The following HACD2 variants were observed in gnomAD, a reference collection of about 807,000 sequenced individuals.
HACD2 encodes the protein 3-hydroxyacyl-CoA dehydratase 2, also known as very-long-chain (3R)-3-hydroxyacyl-CoA dehydratase 2.
Under a neutral mutation model 31.0 loss-of-function variants are expected in HACD2, and 15 were observed. The observed-to-expected ratio is 0.48, with a 90% CI of 0.32 to 0.75. The LOEUF (loss-of-function observed/expected upper bound fraction) is 0.75, where lower values mean the gene tolerates loss of function less well. Ranked by LOEUF, HACD2 falls within the 30% of genes least tolerant of loss-of-function variation. The probability of loss-of-function intolerance (pLI) is 0.03; values close to 1 mark genes in which losing one functional copy is unlikely to be tolerated. For synonymous variants in HACD2, 115 were observed against 122.2 expected, an observed-to-expected ratio of 0.94 and a Z score of 0.39; for missense variants, 283 against 313.0, an observed-to-expected ratio of 0.90 and a Z score of 0.72.
rs1229330643 is a variant in HACD2, at chr3:123,493,758, C to A, written c.*1130G>T. On this transcript the variant is annotated 3_prime_UTR_variant, in exon 7 of 7. Transcript: ENST00000383657. Reference sequence around the variant, plus strand: ...ACTATTTCTTGGCTGCTCCAACATGCGGAGATGACACTGCTTTTAGCTCAT... The same window carrying A: ...ACTATTTCTTGGCTGCTCCAACATGAGGAGATGACACTGCTTTTAGCTCAT... 1 of 152,114 alleles carries A rather than the reference C, an allele frequency of 6.6e-6. No individual in the cohort carries two copies. The highest frequency in any genetic ancestry group is 1.5e-5 in the Non-Finnish European group (1 of 68,026). The allele number at this position is 152,114 out of a possible 1,614,324, so 9.4% of individuals were successfully genotyped here.
chr3:123,553,827 T>C (rs2056644848), intron 3 of HACD2, among the ~76,000 whole-genome samples: 1 of 151,900 alleles, frequency 6.6e-6, no homozygotes, highest in Admixed American at 6.6e-5. Flanking sequence ...GGCCCAAGAG[T>C]CTCATGTTTT....
chr3:123,515,068 C>A (rs115306950), intron 4 of HACD2, among the ~76,000 whole-genome samples: 311 of 152,288 alleles, frequency 2.0e-3, no homozygotes, highest in South Asian at 0.014. Context: ...TGAGCACTTA[C>A]TAAGCACCAG....
At chr3:123,564,931 C>G (rs2056774922) in intron 3 of HACD2, among the ~76,000 whole-genome samples, 1 of 152,120 alleles carries the variant, frequency 6.6e-6, no homozygotes, top group Non-Finnish European at 1.5e-5. Context: ...CCTCGAGGAG[C>G]TCAGAGTCTG....
chr3:123,565,688 G>A (rs2056782265), intron 3 of HACD2, among the ~76,000 whole-genome samples: 1 of 152,208 alleles, frequency 6.6e-6, no homozygotes, highest in Non-Finnish European at 1.5e-5. Context: ...TTTATACAGA[G>A]ACAGCTGAAG....
intron 2 of HACD2, among the ~76,000 whole-genome samples, chr3:123,569,537 T>C (rs1291371577): frequency 1.3e-5 from 2 of 152,090 alleles, no homozygotes; most frequent in African/African-American, 2.4e-5. Context: ...AATTTTTGTA[T>C]TTTTTGTATG....
Position 123,582,322 on chromosome 3 carries a change from C to G in HACD2, c.163G>C (p.Val55Leu). The change falls in exon 2 of 7, where the codon GTT becomes CTT. Residue 55 changes from valine (V) to leucine (L), a missense_variant. Physicochemically the swap from Val to Leu is conservative, Grantham distance 32 (BLOSUM62 1). Coordinates refer to ENST00000383657, the MANE Select transcript of HACD2 (RefSeq NM_198402.5). ...GCTCGGACCAGACCAACCGCTATAACCAGCCACCTAGTAAAAGAGAAAACA... is the reference window on the plus strand; with the variant it reads ...GCTCGGACCAGACCAACCGCTATAAGCAGCCACCTAGTAAAAGAGAAAACA... The part of the protein sequence containing the change: ...YNVVMTAGWL[V>L]IAVGLVRAYL... 1 of 1,574,438 alleles carries G rather than the reference C, an allele frequency of 6.4e-7. No individual in the cohort carries two copies. The highest frequency in any genetic ancestry group is 1.2e-5 in the South Asian group (1 of 84,000).
At chr3:123,549,041 TAG>T (rs1252647867) in intron 3 of HACD2, among the ~76,000 whole-genome samples, 4 of 151,136 alleles carry the variant, frequency 2.6e-5, no homozygotes, top group Admixed American at 6.6e-5. Context: ...TGCAGAAGGG[TAG>T]AACAACATAT....
intron 6 of HACD2, among the ~76,000 whole-genome samples, chr3:123,497,435 TTCCCCTC>T (rs2055847474): frequency 6.6e-6 from 1 of 152,324 alleles, no homozygotes; most frequent in East Asian, 1.9e-4. Flanking sequence ...TGGGGCTCTC[TTCCCCTC>T]TGGGGAGAGA....
At chr3:123,502,482 G>A (rs1406015923) in intron 5 of HACD2, 78 bp downstream of exon 5, 1 of 1,445,100 alleles carries the variant, frequency 6.9e-7, no homozygotes, top group Non-Finnish European at 9.4e-7. Flanking sequence ...GAAACTTTGA[G>A]GCAATATTTA....
intron 3 of HACD2, among the ~76,000 whole-genome samples, chr3:123,544,183 C>T (rs1285127993): frequency 6.6e-6 from 1 of 152,160 alleles, no homozygotes; most frequent in Non-Finnish European, 1.5e-5. Context: ...GTCGACAGCA[C>T]ATAAAAGACA....
At chr3:123,541,237 C>CTG (rs1274451518) in intron 3 of HACD2, among the ~76,000 whole-genome samples, 3 of 152,118 alleles carry the variant, frequency 2.0e-5, no homozygotes, top group African/African-American at 7.2e-5. Flanking sequence ...CACCACTGCA[C>CTG]TCCAGACTGG....
chr3:123,522,230 A>G (rs921867517), intron 4 of HACD2, among the ~76,000 whole-genome samples: 2 of 151,728 alleles, frequency 1.3e-5, no homozygotes, highest in Non-Finnish European at 2.9e-5. Flanking sequence ...AAGGCTGGAG[A>G]ATAGCTTGAT....
intron 6 of HACD2, chr3:123,499,671 T>C (rs1368220681): frequency 4.6e-5 from 21 of 453,722 alleles, no homozygotes; most frequent in Non-Finnish European, 6.6e-5. Context: ...CAGTATCTTT[T>C]CTAGATTAAA....
chr3:123,557,776 A>C (rs1038936200), intron 3 of HACD2, among the ~76,000 whole-genome samples: 8 of 152,246 alleles, frequency 5.3e-5, no homozygotes, highest in African/African-American at 1.9e-4. Context: ...AGCACTGACA[A>C]TACCAAACGC....
At chr3:123,577,476 CCGGGTGTGGTGG>C (rs2056919796) in intron 2 of HACD2, among the ~76,000 whole-genome samples, 1 of 151,968 alleles carries the variant, frequency 6.6e-6, no homozygotes, top group African/African-American at 2.4e-5. Context: ...AAAAAATTAG[CCGGGTGTGGTGG>C]CGGGCGCCTG....
intron 4 of HACD2, among the ~76,000 whole-genome samples, chr3:123,514,842 A>G (rs1380943944): frequency 6.6e-6 from 1 of 152,256 alleles, no homozygotes. Flanking sequence ...TTATTCCTTA[A>G]GAATGATAAA....
intron 4 of HACD2, among the ~76,000 whole-genome samples, chr3:123,510,968 A>C (rs2056055696): frequency 6.8e-6 from 1 of 146,848 alleles, no homozygotes; most frequent in Non-Finnish European, 1.5e-5. Context: ...TTTTTTTTTA[A>C]ATAATAGCTG....
chr3:123,549,054 C>T (rs1215146591), intron 3 of HACD2, among the ~76,000 whole-genome samples: 1 of 151,140 alleles, frequency 6.6e-6, no homozygotes, highest in East Asian at 1.9e-4. Context: ...AACAACATAT[C>T]CTTTATGTCC....
intron 5 of HACD2, among the ~76,000 whole-genome samples, chr3:123,501,309 G>A (rs1293185045): frequency 1.3e-5 from 2 of 152,154 alleles, no homozygotes; most frequent in Non-Finnish European, 2.9e-5. Flanking sequence ...TCGTCACATG[G>A]GAGGGGAATC....
Sources: allele counts gnomAD v4.1 joint callset (sites outside exome capture counted in the v4.1 genomes callset), GRCh38; gene constraint gnomAD v4.1.1; transcripts MANE v1.5; gene names NCBI Gene and HGNC (gene_info 2026-07-23, HGNC 2026-07-21).